PACS2: variants seen among roughly 807,000 people sequenced by gnomAD.
The protein encoded by PACS2 is phosphofurin acidic cluster sorting protein 2.
In PACS2, 36 loss-of-function variants were observed where a neutral mutation model predicts 113.0. The ratio of observed to expected loss-of-function variants is 0.32; its 90% CI spans 0.24 to 0.42. The LOEUF (loss-of-function observed/expected upper bound fraction) is 0.42. Ranked by LOEUF, PACS2 falls within the 10% of genes least tolerant of loss-of-function variation. PACS2 has a pLI of 1.00. For synonymous variants in PACS2, 589 were observed against 536.1 expected (o/e 1.10, Z -1.36); for missense variants, 1,015 against 1,239.5 (o/e 0.82, Z 2.72).
upstream of PACS2, among the ~76,000 whole-genome samples, chr14:105,310,418 T>C (rs1595526083): frequency 6.7e-6 from 1 of 150,110 alleles, no homozygotes; most frequent in Non-Finnish European, 1.5e-5. Context: ...TAGTCCCCCC[T>C]ACTCAGGAGG....
chr14:105,386,676 C>T (rs1187841569), intron 19 of PACS2, among the ~76,000 whole-genome samples: 3 of 152,092 alleles, frequency 2.0e-5, no homozygotes, highest in African/African-American at 7.2e-5. Flanking sequence ...CCCCTGACCT[C>T]AGTGCAGGGT....
In PACS2 at chr14:105,306,227, G is replaced by A. The variant is rs74515425; in HGVS notation, c.-83+5248G>A. Among the ~76,000 whole-genome samples the A allele has an allele frequency of 1.3e-3, 195 of 152,274 alleles. 7 individuals are homozygous for A. The East Asian group carries it at 0.028, about 22-fold the overall frequency. The stretch of plus-strand genomic sequence containing the variant: ...GTTAGAGTTTTGAAGGACACGCCTA[G>A]GCACCTGCAAACTTCCCCTCCTGGA... On this transcript the variant is annotated intron_variant, in intron 1 of 23. Transcript: ENST00000430725.
In PACS2 at chr14:105,366,572, G is replaced by A. The variant is rs587613979; in HGVS notation, c.424-641G>A. On this transcript the variant is annotated intron_variant, in intron 4 of 24. Transcript: ENST00000447393. The surrounding 1 kb of genome is among the most constrained non-coding windows in gnomAD (Gnocchi z 4.3). ...GGGCCGGGGCTTGTTCTGCAGCTCC[G>A]TGGTTTGAGTGCCTCACAACAGAGG... Among the ~76,000 whole-genome samples the A allele has an allele frequency of 4.4e-4, 67 of 152,278 alleles. No homozygotes were observed. The highest frequency in any genetic ancestry group is 1.2e-3 in the African/African-American group (51 of 41,554).
chr14:105,339,644 C>T (rs1056849471), intron 1 of PACS2, among the ~76,000 whole-genome samples: 2 of 151,048 alleles, frequency 1.3e-5, no homozygotes, highest in South Asian at 2.1e-4. Flanking sequence ...TGCAGTGAGC[C>T]GTGATTGCAC....
At chr14:105,308,722 C>T (rs958406084) in intron 1 of PACS2, among the ~76,000 whole-genome samples, 22 of 151,890 alleles carry the variant, frequency 1.4e-4, no homozygotes, top group Admixed American at 1.2e-3. Flanking sequence ...ACTTCATGAT[C>T]CGCCTGCCTC....
chr14:105,326,663 C>T (rs896130184), intron 1 of PACS2, among the ~76,000 whole-genome samples: 3 of 152,354 alleles, frequency 2.0e-5, no homozygotes, highest in East Asian at 3.9e-4. Flanking sequence ...CTAGGGCTCT[C>T]CTTCCTCCCC....
At position 105,382,831 on chromosome 14, in the gene PACS2, C is replaced by T. The variant is rs782698783; in HGVS notation, c.1543C>T (p.His515Tyr). 6.2e-7 allele frequency: 1 copy of T among 1,604,570 alleles called. No homozygotes were observed. Among genetic ancestry groups the T allele is most frequent in the Non-Finnish European group, 8.5e-7 (1 of 1,177,448 alleles). The change falls in exon 15 of 25, where the codon CAC (histidine) becomes TAC (tyrosine). Residue 515 changes from histidine (H) to tyrosine (Y), a missense_variant. This residue lies in a region of PACS2 where 859 missense variants were observed against 1,056.8 expected (regional missense o/e 0.81). Transcript: ENST00000447393. Reference sequence around the variant, plus strand: ...GTTCCTCTCCGACGTCCTGCAGAGGCACACGCTCCCCGTGGTGTGCACGTG... The same window carrying T: ...GTTCCTCTCCGACGTCCTGCAGAGGTACACGCTCCCCGTGGTGTGCACGTG... Reference protein sequence around the residue: ...GQFLSDVLQRHTLPVVCTCSP... With the variant: ...GQFLSDVLQRYTLPVVCTCSP...
At chr14:105,367,817 G>A (rs1315452036) in intron 5 of PACS2, among the ~76,000 whole-genome samples, 5 of 152,240 alleles carry the variant, frequency 3.3e-5, no homozygotes, top group Non-Finnish European at 5.9e-5. Flanking sequence ...CGTGGAGGCC[G>A]GAGCAGTTCA....
intron 18 of PACS2, among the ~76,000 whole-genome samples, chr14:105,385,227 C>T (rs373807556): frequency 4.6e-5 from 7 of 152,342 alleles, no homozygotes; most frequent in African/African-American, 1.4e-4. Flanking sequence ...GTTGAAACCC[C>T]GCGTGATAAG....
Position 105,339,203 on chromosome 14 carries a change from G to C in PACS2, c.120-9290G>C, listed in dbSNP as rs1429678660. Among the ~76,000 whole-genome samples, 6 of 152,290 alleles carry C rather than the reference G, an allele frequency of 3.9e-5. No homozygotes were observed. In the South Asian group the frequency reaches 1.2e-3, roughly 32 times the overall value. ...TCCACTGCCACTCAGAGCGAGACCA[G>C]GTGCTTCAAAAAGACTAGCAGGGTT... On this transcript the variant is annotated intron_variant, in intron 1 of 24. Transcript: ENST00000447393.
chr14:105,357,405 C>G lies in PACS2; in HGVS notation c.423+2228C>G, dbSNP rs1011896871. Among the ~76,000 whole-genome samples the G allele has an allele frequency of 2.0e-5, 3 of 152,224 alleles. No homozygotes were observed. The highest frequency in any genetic ancestry group is 1.5e-5 in the Non-Finnish European group (1 of 68,020). On this transcript the variant is annotated intron_variant, in intron 4 of 24. Transcript: ENST00000447393. The surrounding 1 kb of genome is among the most constrained non-coding windows in gnomAD (Gnocchi z 5.1). ...AGCCTGTGGCCCCCACCCCAAGGCT[C>G]CCTCGCCCTGCACCTGTGGCTTCCA... is the stretch of plus-strand genomic sequence containing the variant.
At chr14:105,345,401 C>T (rs374418748) in intron 1 of PACS2, among the ~76,000 whole-genome samples, 2 of 151,796 alleles carry the variant, frequency 1.3e-5, no homozygotes, top group East Asian at 1.9e-4. Flanking sequence ...AGCGAGACTC[C>T]GTCTTGAGAA....
chr14:105,336,003 G>C (rs111922892), intron 1 of PACS2, among the ~76,000 whole-genome samples: 98 of 152,346 alleles, frequency 6.4e-4, no homozygotes, highest in African/African-American at 2.3e-3. Flanking sequence ...AGCATGTGGA[G>C]CACCAGCCTG....
intron 9 of PACS2, among the ~76,000 whole-genome samples, chr14:105,378,175 G>A (rs782251869): frequency 1.3e-5 from 2 of 152,180 alleles, no homozygotes; most frequent in Admixed American, 6.5e-5. Context: ...AACGGCTCAC[G>A]TGATTCCATA....
At chr14:105,380,273 G>A (rs781360818) in intron 11 of PACS2, 119 bp downstream of exon 11, 2 of 822,902 alleles carry the variant, frequency 2.4e-6, no homozygotes, top group Non-Finnish European at 3.9e-6. Flanking sequence ...CACCTGGTGT[G>A]CAGAGGTGGG....
At position 105,362,145 on chromosome 14, in the gene PACS2, G is replaced by A. The variant is rs192455933; in HGVS notation, c.424-5068G>A. Among the ~76,000 whole-genome samples the A allele has an allele frequency of 1.8e-3, 268 of 151,696 alleles. 12 individuals carry two copies. Among genetic ancestry groups the A allele is most frequent in the Non-Finnish European group, 6.3e-4 (43 of 67,904 alleles). On this transcript the variant is annotated intron_variant, in intron 4 of 24. Coordinates refer to ENST00000447393, the MANE Select transcript of PACS2 (RefSeq NM_001100913.3). ...CTCAAAAAAAAAGAATGGGCCAGGT[G>A]TGGTGGCTCACGCCTGTCATCCCAG...
chr14:105,392,035 A>G (rs781959611), intron 22 of PACS2: 1 of 505,340 alleles, frequency 2.0e-6, no homozygotes, highest in East Asian at 3.5e-5. Context: ...AGCTCTGTAC[A>G]CAGTTGGGGC....
At chr14:105,382,969 C>T (rs2081045375) in intron 15 of PACS2, 56 bp downstream of exon 15, 7 of 1,027,676 alleles carry the variant, frequency 6.8e-6, no homozygotes, top group African/African-American at 1.6e-5. Flanking sequence ...GGTCCCTGCA[C>T]CCCCACCTCT....
intron 19 of PACS2, among the ~76,000 whole-genome samples, chr14:105,386,766 TG>T (rs1474547257): frequency 6.6e-6 from 1 of 152,152 alleles, no homozygotes; most frequent in Non-Finnish European, 1.5e-5. Flanking sequence ...GCTGTAGGGC[TG>T]GGCGCTGGGA....
Sources: gnomAD v4.1 joint callset for allele counts (sites outside exome capture counted in the v4.1 genomes callset) on GRCh38, gnomAD v4.1.1 for gene constraint, gnomAD v4.1.1 regional missense constraint, Gnocchi (gnomAD v3.1) non-coding constraint, MANE v1.5 for transcripts, NCBI Gene and HGNC (gene_info 2026-07-23, HGNC 2026-07-21) for gene names.